The following WNK1 variants were observed in gnomAD, a reference collection of about 807,000 sequenced individuals.
WNK1 encodes serine/threonine-protein kinase WNK1.
In WNK1, 38 loss-of-function variants were observed where a neutral mutation model predicts 222.8. That is an observed-to-expected ratio of 0.17 (90% CI 0.13 to 0.22). The LOEUF is 0.22. Ranked by LOEUF, WNK1 falls within the 10% of genes least tolerant of loss-of-function variation. The probability of loss-of-function intolerance (pLI) is 1.00; values close to 1 mark genes in which losing one functional copy is unlikely to be tolerated. For synonymous variants in WNK1, 1,090 were observed against 1,092.9 expected (o/e 1.00, Z 0.05); for missense variants, 2,348 against 2,918.4 (o/e 0.80, Z 4.50).
chr12:878,412 G>A (rs759162718), intron 10 of WNK1, 51 bp downstream of exon 10: 3 of 1,571,068 alleles, frequency 1.9e-6, no homozygotes, highest in Non-Finnish European at 2.6e-6. Context: ...TTCTGAAAGG[G>A]TGCTAAAAGG....
At chr12:815,863 C>T (rs73023559) in intron 2 of WNK1, among the ~76,000 whole-genome samples, 244 of 152,238 alleles carry the variant, frequency 1.6e-3, no homozygotes, top group Admixed American at 2.7e-3. Context: ...CTGTCCCACA[C>T]CAACAAACTG....
chr12:754,402 C>T, intron 1 of WNK1, 78 bp downstream of exon 1: 3 of 1,583,616 alleles, frequency 1.9e-6, no homozygotes, highest in Non-Finnish European at 2.6e-6. Context: ...TCGAGTTCAC[C>T]CTTCACTTGG....
rs1955972828 is a variant in WNK1, at chr12:910,009, C to CAAAG, written c.*1219_*1222dup. On this transcript the variant is annotated 3_prime_UTR_variant, in exon 28 of 28. Transcript: ENST00000315939. ...AGAATGGTGTGTGCTGGGTGAAAGA[C>CAAAG]AAAGACTAAAGAATGAGGAAACAAA... 1 of 151,860 alleles carries CAAAG rather than the reference C, an allele frequency of 6.6e-6. No individual in the cohort carries two copies. The highest frequency in any genetic ancestry group is 2.4e-5 in the African/African-American group (1 of 41,332). 9.4% of individuals were successfully genotyped at this position (151,860 alleles called of 1,614,324 possible).
intron 1 of WNK1, among the ~76,000 whole-genome samples, chr12:776,838 G>A (rs372129964): frequency 6.6e-6 from 1 of 152,272 alleles, no homozygotes; most frequent in African/African-American, 2.4e-5. Context: ...GACAGTAAAA[G>A]AAAATTAAGA....
chr12:798,394 G>T (rs183649230), intron 1 of WNK1, among the ~76,000 whole-genome samples: 1 of 152,094 alleles, frequency 6.6e-6, no homozygotes, highest in Non-Finnish European at 1.5e-5. Context: ...GAGTTTCACT[G>T]TGTTAGCCAG....
chr12:887,252 G>A lies in WNK1; in HGVS notation c.5312G>A (p.Gly1771Asp), dbSNP rs770566791. The A allele has an allele frequency of 6.2e-7, 1 of 1,614,150 alleles. No homozygotes were observed. Among genetic ancestry groups the A allele is most frequent in the Non-Finnish European group, 8.5e-7 (1 of 1,180,018 alleles). The change falls in exon 20 of 28, where the codon GGT becomes GAT. Residue 1771 changes from glycine (G) to aspartate (D), a missense_variant. Gly to Asp is a moderately conservative substitution (Grantham distance 94). Around this residue, in one of 13 missense-constraint regions of WNK1, gnomAD observed 1,144 missense variants for 1,273.6 expected, o/e 0.90. Transcript: ENST00000315939. ...VLPVGTELPA[G>D]TLPSEQLPPF... The stretch of plus-strand genomic sequence containing the variant: ...CCAGTGGGTACTGAACTTCCAGCAG[G>A]TACTCTACCCAGCGAGCAGCTGCCA...
chr12:894,360 G>GT (rs1336561591), intron 22 of WNK1, among the ~76,000 whole-genome samples: 1 of 152,200 alleles, frequency 6.6e-6, no homozygotes, highest in Non-Finnish European at 1.5e-5. Context: ...TAATGTTGTA[G>GT]TTGGTATCTA....
At chr12:891,330 G>A (rs1249250484) in intron 22 of WNK1, among the ~76,000 whole-genome samples, 1 of 152,158 alleles carries the variant, frequency 6.6e-6, no homozygotes, top group Non-Finnish European at 1.5e-5. Flanking sequence ...TAGAGACAGG[G>A]TTTCTCCCTG....
Position 879,819 on chromosome 12 carries a change from C to T in WNK1, c.2620C>T (p.Leu874Phe), listed in dbSNP as rs761395426. The T allele has an allele frequency of 1.4e-5, 23 of 1,614,168 alleles. No homozygotes were observed. The Admixed American group carries it at 2.8e-4, about 20-fold the overall frequency. The change falls in exon 11 of 28, where the codon CTC (leucine) becomes TTC (phenylalanine). Residue 874 changes from leucine to phenylalanine, a missense_variant. Leu to Phe is a conservative substitution (Grantham distance 22, BLOSUM62 0). This residue lies in a region of WNK1 where 547 missense variants were observed against 558.3 expected (regional missense o/e 0.98). Transcript: ENST00000315939. ...GGCAGCTGGCATTACTCAGCCTCTG[C>T]TCACGTTGGCTTCATCTGCTACAAC... The part of the protein sequence containing the change: ...TMAAGITQPL[L>F]TLASSATTAA...
Position 885,982 on chromosome 12 carries a change from A to G in WNK1, c.5178A>G (p.Thr1726=), listed in dbSNP as rs768630311. ...TAGGAACAGTTGCTTTGCCAGTTAC[A>G]CCAGTGGTCACACCTGGGCAAGTTT... ...LPLGTVALPV[T]PVVTPGQVST... is the part of the protein sequence containing the mutation. The change falls in exon 19 of 28, where the codon ACA becomes ACG. Residue 1726 remains threonine (T), a synonymous_variant. Transcript: ENST00000315939. 6.3e-7 allele frequency: 1 copy of G among 1,591,286 alleles called. No homozygotes were observed. The highest frequency in any genetic ancestry group is 8.5e-7 in the Non-Finnish European group (1 of 1,170,232).
chr12:879,955 T>C lies in WNK1; in HGVS notation c.2756T>C (p.Val919Ala). 1 of 1,614,104 alleles carries C rather than the reference T, an allele frequency of 6.2e-7. No homozygotes were observed. Among genetic ancestry groups the C allele is most frequent in the Non-Finnish European group, 8.5e-7 (1 of 1,180,020 alleles). ...QVHPQLLQPA[V>A]QSMGIPANLG... is the part of the protein sequence containing the mutation. ...CACCCACAGCTCCTACAACCAGCAG[T>C]TCAGTCCATGGGAATACCAGCTAAC... The change falls in exon 11 of 28, where the codon GTT becomes GCT. Residue 919 changes from valine to alanine, a missense_variant. Transcript: ENST00000315939.
At chr12:796,551 C>T (rs890885184) in intron 1 of WNK1, among the ~76,000 whole-genome samples, 22 of 152,340 alleles carry the variant, frequency 1.4e-4, no homozygotes, top group African/African-American at 3.6e-4. Flanking sequence ...GCTGGGATTA[C>T]AGGCATGAGC....
intron 1 of WNK1, among the ~76,000 whole-genome samples, chr12:771,754 A>G (rs1942533620): frequency 6.6e-6 from 1 of 152,128 alleles, no homozygotes; most frequent in Admixed American, 6.5e-5. Flanking sequence ...TTATTTTAAT[A>G]AAGTTGTAAT....
chr12:867,931 A>G (rs757118415), intron 8 of WNK1: 2 of 1,613,948 alleles, frequency 1.2e-6, no homozygotes, highest in South Asian at 2.2e-5. Flanking sequence ...TATTTTTCCC[A>G]ACTATTCATG....
At chr12:835,038 G>A (rs544760479) in intron 4 of WNK1, among the ~76,000 whole-genome samples, 1 of 152,240 alleles carries the variant, frequency 6.6e-6, no homozygotes, top group East Asian at 1.9e-4. Flanking sequence ...CCAATAATAG[G>A]CTGGGCCTGT....
intron 4 of WNK1, among the ~76,000 whole-genome samples, chr12:847,311 C>CT (rs942742582): frequency 6.6e-6 from 1 of 152,030 alleles, no homozygotes; most frequent in African/African-American, 2.4e-5. Context: ...TGTAAATAAC[C>CT]TAAATGCTAA....
chr12:883,185 A>G (rs1953334524), intron 15 of WNK1, 126 bp downstream of exon 15: 1 of 979,222 alleles, frequency 1.0e-6, no homozygotes, highest in Non-Finnish European at 1.6e-6. Context: ...TTCAATGTGA[A>G]TAAAACTATC....
At chr12:868,480 T>C in intron 8 of WNK1, 1 of 1,614,024 alleles carries the variant, frequency 6.2e-7, no homozygotes, top group Non-Finnish European at 8.5e-7. Flanking sequence ...GATTAGATTC[T>C]GGATTGGGTC....
chr12:889,290 C>A, intron 21 of WNK1, 67 bp downstream of exon 21: 3 of 1,346,654 alleles, frequency 2.2e-6, no homozygotes, highest in Non-Finnish European at 3.2e-6. Flanking sequence ...GGGACACAAA[C>A]TGTAACCTAA....
Sources: gnomAD v4.1 joint callset for allele counts (sites outside exome capture counted in the v4.1 genomes callset) on GRCh38, gnomAD v4.1.1 for gene constraint, gnomAD v4.1.1 regional missense constraint, MANE v1.5 for transcripts, NCBI Gene and HGNC (gene_info 2026-07-23, HGNC 2026-07-21) for gene names.